The following FAM167A variants were observed in gnomAD, a reference collection of about 807,000 sequenced individuals.
FAM167A encodes protein FAM167A.
FAM167A carries 23 observed loss-of-function variants against 14.9 expected under a neutral mutation model. That is an observed-to-expected ratio of 1.55 (90% CI 1.11 to 2.19). The LOEUF (loss-of-function observed/expected upper bound fraction) is 2.19, where lower values mean the gene tolerates loss of function less well. Ranked by LOEUF, FAM167A falls within the 30% of genes most tolerant of loss-of-function variation. FAM167A has a pLI of 0.00. For synonymous variants in FAM167A, 174 were observed against 117.7 expected (o/e 1.48, Z -3.10); for missense variants, 401 against 281.5 (o/e 1.42, Z -3.04).
chr8:11,441,106 C>G (rs910696981), intron 2 of FAM167A, among the ~76,000 whole-genome samples: 2 of 152,208 alleles, frequency 1.3e-5, no homozygotes, highest in African/African-American at 4.8e-5. Context: ...TACTTTGGGC[C>G]TCAGAGTCGC....
Position 11,421,513 on chromosome 8 carries a change from T to C in FAM167A, c.*2860A>G. On this transcript the variant is annotated 3_prime_UTR_variant, in exon 3 of 3. Transcript: ENST00000284486. ...ATGGATATCTTCTTTTGAAGTATTT[T>C]TATTTCACTTTTTCTAACAGCAATA... 2.6e-6 allele frequency: 1 copy of C among 384,712 alleles called. No homozygotes were observed. The highest frequency in any genetic ancestry group is 4.6e-6 in the Non-Finnish European group (1 of 217,762). 23.8% of individuals were successfully genotyped at this position (384,712 alleles called of 1,614,324 possible).
intron 2 of FAM167A, chr8:11,434,834 C>T (rs539726863): frequency 2.9e-6 from 1 of 348,296 alleles, no homozygotes; most frequent in African/African-American, 2.1e-5. Flanking sequence ...CATCAGATTG[C>T]ATCTTGGAAC....
rs547923990 is a variant in FAM167A at position 11,436,217 on chromosome 8, C to G, written c.381+7814G>C. 1.2e-3 allele frequency among the ~76,000 whole-genome samples: 180 copies of G among 152,354 alleles called. 1 individual carries two copies. The highest frequency in any genetic ancestry group is 4.0e-3 in the African/African-American group (167 of 41,588). The stretch of plus-strand genomic sequence containing the variant: ...GCTGGTAATGCCAATACACTTCAGA[C>G]TGGAGATGCGGTGGGGACCCTCCCA... On this transcript the variant is annotated intron_variant, in intron 2 of 2. Transcript: ENST00000284486.
intron 2 of FAM167A, chr8:11,438,398 G>A (rs1394970941): frequency 2.2e-6 from 1 of 452,394 alleles, no homozygotes; most frequent in South Asian, 1.6e-5. Context: ...TTATTTGAAT[G>A]TTGGGAGATT....
At chr8:11,445,081 G>A (rs1022662040) in intron 1 of FAM167A, 3 of 967,006 alleles carry the variant, frequency 3.1e-6, no homozygotes, top group Non-Finnish European at 3.7e-6. Context: ...CAAGTCTGCA[G>A]GGATTTGTTT....
upstream of FAM167A, among the ~76,000 whole-genome samples, chr8:11,466,971 C>A (rs1388221046): frequency 2.0e-5 from 3 of 152,210 alleles, no homozygotes; most frequent in African/African-American, 7.2e-5. Flanking sequence ...CTTCGCCAAA[C>A]CCCAGATGAA....
intron 2 of FAM167A, among the ~76,000 whole-genome samples, chr8:11,440,059 C>T (rs549357147): frequency 2.1e-4 from 32 of 152,350 alleles, no homozygotes; most frequent in African/African-American, 7.0e-4. Flanking sequence ...CCAGGCTACT[C>T]GGCTGCCTGG....
At chr8:11,475,840 G>C (rs1186374009) in intron 1 of FAM167A, among the ~76,000 whole-genome samples, 1 of 152,038 alleles carries the variant, frequency 6.6e-6, no homozygotes, top group Non-Finnish European at 1.5e-5. Flanking sequence ...CCTATCACCT[G>C]GGACACCTGC....
chr8:11,436,726 C>T (rs1391942285), intron 2 of FAM167A, among the ~76,000 whole-genome samples: 2 of 152,214 alleles, frequency 1.3e-5, no homozygotes, highest in Non-Finnish European at 2.9e-5. Context: ...ACCTGAGAGC[C>T]CTCAGAAGAC....
chr8:11,452,122 C>T (rs1807051165), intron 1 of FAM167A, among the ~76,000 whole-genome samples: 1 of 152,174 alleles, frequency 6.6e-6, no homozygotes, highest in African/African-American at 2.4e-5. Context: ...TGCTGTGCGA[C>T]CTCCCATTGA....
In FAM167A at chr8:11,422,612, C is replaced by G. The variant is rs1196963773; in HGVS notation, c.*1761G>C. 2.0e-5 allele frequency: 3 copies of G among 152,482 alleles called. No homozygotes were observed. The highest frequency in any genetic ancestry group is 4.4e-5 in the Non-Finnish European group (3 of 68,044). 9.4% of individuals were successfully genotyped at this position (152,482 alleles called of 1,614,324 possible). ...CTACTTTGAAGGAGGCATAGAACTT[C>G]TGGCTCTTTGAAATTTTAAAAAAGA... On this transcript the variant is annotated 3_prime_UTR_variant, in exon 3 of 3. Coordinates refer to ENST00000284486, the MANE Select transcript of FAM167A (RefSeq NM_053279.3).
intron 2 of FAM167A, among the ~76,000 whole-genome samples, chr8:11,437,183 G>A (rs1036770037): frequency 6.6e-6 from 1 of 152,190 alleles, no homozygotes; most frequent in African/African-American, 2.4e-5. Context: ...AGGGCTTTGA[G>A]GTCGGGCAGA....
chr8:11,467,633 C>G (rs1157625995), upstream of FAM167A: 1 of 152,392 alleles, frequency 6.6e-6, no homozygotes. Context: ...GCCTACATGG[C>G]CAGACGCGAA....
At chr8:11,472,557 C>T (rs189499186), upstream of FAM167A, among the ~76,000 whole-genome samples, 32 of 151,068 alleles carry the variant, frequency 2.1e-4, no homozygotes, top group Admixed American at 5.3e-4. Context: ...CTTGCATGCA[C>T]AGCATTTGAA....
chr8:11,455,285 T>TG (rs1306914305), intron 1 of FAM167A, among the ~76,000 whole-genome samples: 34 of 122,490 alleles, frequency 2.8e-4, no homozygotes, highest in African/African-American at 3.5e-4. Context: ...TGTGTGTGTC[T>TG]GGGGGGGGTG....
At chr8:11,465,903 C>T (rs1289710867) in intron 1 of FAM167A, among the ~76,000 whole-genome samples, 1 of 152,202 alleles carries the variant, frequency 6.6e-6, no homozygotes, top group Non-Finnish European at 1.5e-5. Flanking sequence ...CAGATCTTCC[C>T]AGGAGGTCCC....
chr8:11,446,459 A>G (rs990615055), intron 1 of FAM167A: 1 of 151,382 alleles, frequency 6.6e-6, no homozygotes, highest in Non-Finnish European at 1.5e-5. Context: ...TTCTGATTCA[A>G]TTGGTCGAGA....
At chr8:11,474,204 C>T (rs942678902) in intron 1 of FAM167A, among the ~76,000 whole-genome samples, 1 of 152,230 alleles carries the variant, frequency 6.6e-6, no homozygotes, top group Admixed American at 6.5e-5. Context: ...TGCGCGCCAA[C>T]TGCTCTTGGT....
At chr8:11,450,170 T>C (rs977921719) in intron 1 of FAM167A, among the ~76,000 whole-genome samples, 5 of 152,212 alleles carry the variant, frequency 3.3e-5, no homozygotes, top group African/African-American at 1.2e-4. Flanking sequence ...TGGAAAGCCC[T>C]TCACTCCCTT....
Sources: allele counts gnomAD v4.1 joint callset (sites outside exome capture counted in the v4.1 genomes callset), GRCh38; gene constraint gnomAD v4.1.1; transcripts MANE v1.5; gene names NCBI Gene and HGNC (gene_info 2026-07-23, HGNC 2026-07-21).